FAM193A: variants seen among roughly 807,000 people sequenced by gnomAD.
FAM193A encodes protein FAM193A.
A neutral mutation model predicts 126.5 loss-of-function variants in FAM193A; 22 were observed. The observed-to-expected ratio is 0.17, with a 90% CI of 0.12 to 0.25. The LOEUF (loss-of-function observed/expected upper bound fraction) is 0.25. FAM193A is among the 10% of genes least tolerant of loss of function. FAM193A has a pLI of 1.00. For synonymous variants in FAM193A, 761 were observed against 646.8 expected (o/e 1.18, Z -2.68); for missense variants, 1,675 against 1,672.8 (o/e 1.00, Z -0.02).
chr4:2,607,917 G>C, intron 2 of FAM193A: 1 of 1,145,428 alleles, frequency 8.7e-7, no homozygotes, highest in Non-Finnish European at 1.2e-6. Context: ...TTTTCACTAT[G>C]TGATGGTGTC....
chr4:2,647,074 A>C (rs1293869781), intron 7 of FAM193A, among the ~76,000 whole-genome samples: 1 of 152,184 alleles, frequency 6.6e-6, no homozygotes, highest in African/African-American at 2.4e-5. Flanking sequence ...CAGTTGGTCA[A>C]GTTTTCCTTG....
At chr4:2,596,358 G>A (rs1740862763) in intron 2 of FAM193A, 29 bp downstream of exon 2, 2 of 694,784 alleles carry the variant, frequency 2.9e-6, no homozygotes, top group Admixed American at 2.0e-5. Flanking sequence ...AGGCAGCGCA[G>A]GGCGTTGGCT....
intron 2 of FAM193A, among the ~76,000 whole-genome samples, chr4:2,605,188 C>T (rs1741461550): frequency 6.6e-6 from 1 of 152,012 alleles, no homozygotes; most frequent in Admixed American, 6.6e-5. Flanking sequence ...TTTCTGCTAC[C>T]ATGCAGGTCA....
In FAM193A at chr4:2,624,027, C is replaced by T. The variant is rs1577089048; in HGVS notation, c.502-1235C>T. Among the ~76,000 whole-genome samples the T allele has an allele frequency of 1.3e-5, 2 of 152,200 alleles. 1 individual carries two copies. The highest frequency in any genetic ancestry group is 4.1e-4 in the South Asian group (2 of 4,820). On this transcript the variant is annotated intron_variant, in intron 2 of 20. Transcript: ENST00000637812. The stretch of plus-strand genomic sequence containing the variant: ...AGCCCCTGTTCCCAAGGAGCAGAGT[C>T]CTTCTCAGGGCCTCTTCTAGAAGGA...
rs79987484 is a variant in FAM193A at position 2,598,298 on chromosome 4, G to A, written c.501+1969G>A. Among the ~76,000 whole-genome samples, 137 of 152,258 alleles carry A rather than the reference G, an allele frequency of 9.0e-4. No individual in the cohort carries two copies. In the East Asian group the frequency reaches 0.022, roughly 24 times the overall value. On this transcript the variant is annotated intron_variant, in intron 2 of 20. Transcript: ENST00000637812. ...GTTACCCAAAATGTTGCATGCATCC[G>A]TAGTTTCTCTTTTTTATTGAGTAAT...
chr4:2,556,989 C>T (rs1738296950), intron 1 of FAM193A, among the ~76,000 whole-genome samples: 1 of 152,154 alleles, frequency 6.6e-6, no homozygotes, highest in Admixed American at 6.6e-5. Flanking sequence ...CACTGGTCCC[C>T]CATTACCTGC....
intron 1 of FAM193A, among the ~76,000 whole-genome samples, chr4:2,582,967 TTTG>T (rs981195089): frequency 2.4e-4 from 37 of 152,256 alleles, no homozygotes; most frequent in African/African-American, 6.5e-4. Context: ...GGCTCAGTTT[TTTG>T]TTGTTGTTAT....
Position 2,596,155 on chromosome 4 carries a change from A to G in FAM193A, c.327A>G (p.Arg109=). The change falls in exon 2 of 21, where the codon AGA becomes AGG. Residue 109 remains arginine, a synonymous_variant. Coordinates refer to ENST00000637812, the MANE Select transcript of FAM193A (RefSeq NM_001366318.2). The part of the protein sequence containing the change: ...YPAGDYCLLC[R]SERKDSSFLE... The stretch of plus-strand genomic sequence containing the variant: ...CTGGGGATTATTGTCTTCTGTGCAG[A>G]AGTGAACGGAAAGACTCATCATTCT... 2 of 703,024 alleles carry G rather than the reference A, an allele frequency of 2.8e-6. No individual in the cohort carries two copies. The highest frequency in any genetic ancestry group is 1.5e-5 in the South Asian group (1 of 67,600). 43.5% of individuals were successfully genotyped at this position (703,024 alleles called of 1,614,324 possible). A position where few individuals can be genotyped will look rare whatever the true frequency, so the allele number is the denominator to read the frequency against.
At chr4:2,634,108 C>T (rs1743864663) in intron 5 of FAM193A, among the ~76,000 whole-genome samples, 1 of 152,150 alleles carries the variant, frequency 6.6e-6, no homozygotes, top group South Asian at 2.1e-4. Flanking sequence ...TAAGTGACGA[C>T]ACTAGTAAGG....
At chr4:2,656,586 G>T (rs1257148340) in intron 7 of FAM193A, among the ~76,000 whole-genome samples, 1 of 152,134 alleles carries the variant, frequency 6.6e-6, no homozygotes, top group East Asian at 1.9e-4. Context: ...AGTGGAGCCT[G>T]GGGCATGGGT....
chr4:2,726,412 C>T (rs1720750787), intron 20 of FAM193A, among the ~76,000 whole-genome samples: 1 of 152,110 alleles, frequency 6.6e-6, no homozygotes, highest in East Asian at 1.9e-4. Context: ...GTTGTTCTTT[C>T]TAACCCCCTT....
chr4:2,535,568 G>C (rs927628781), upstream of FAM193A, among the ~76,000 whole-genome samples: 1 of 152,258 alleles, frequency 6.6e-6, no homozygotes, highest in South Asian at 2.1e-4. Context: ...GCCGCCGGCA[G>C]GGTCCCCCCG....
chr4:2,541,318 G>A (rs904921994), intron 1 of FAM193A, among the ~76,000 whole-genome samples: 2 of 152,110 alleles, frequency 1.3e-5, no homozygotes, highest in East Asian at 1.9e-4. Context: ...GGCAACAAAA[G>A]CGAAACTCTG....
intron 1 of FAM193A, among the ~76,000 whole-genome samples, chr4:2,591,026 C>CAA (rs113076132): frequency 1.5e-4 from 20 of 131,692 alleles, no homozygotes; most frequent in African/African-American, 3.9e-4. Context: ...GACTCCCTCT[C>CAA]AAAAAAAAAA....
chr4:2,703,740 G>C (rs1169267193), intron 19 of FAM193A, among the ~76,000 whole-genome samples: 6 of 149,114 alleles, frequency 4.0e-5, no homozygotes, highest in African/African-American at 1.5e-4. Flanking sequence ...GAGGCAGGAG[G>C]ATTACCTGAG....
rs369877047 is a variant in FAM193A at position 2,624,788 on chromosome 4, C to T, written c.502-474C>T. ...AACGTCTGGGCTCAAGTGGTCCTCC[C>T]ATCTCGGCTTCCCAAAATGGTGGGA... On this transcript the variant is annotated intron_variant, in intron 2 of 20. Coordinates refer to ENST00000637812, the MANE Select transcript of FAM193A (RefSeq NM_001366318.2). 1.8e-4 allele frequency among the ~76,000 whole-genome samples: 28 copies of T among 152,332 alleles called. No individual in the cohort carries two copies. The East Asian group carries it at 4.6e-3, about 25-fold the overall frequency.
intron 18 of FAM193A, 138 bp from the exon 19 acceptor site, chr4:2,699,538 GTGTT>G (rs1157817365): frequency 1.4e-6 from 1 of 699,694 alleles, no homozygotes; most frequent in Non-Finnish European, 2.4e-6. Context: ...AGGTGGGTGT[GTGTT>G]AAGTTTTGAT....
At chr4:2,612,272 C>T (rs949519656) in intron 2 of FAM193A, among the ~76,000 whole-genome samples, 5 of 151,778 alleles carry the variant, frequency 3.3e-5, no homozygotes, top group African/African-American at 7.3e-5. Flanking sequence ...GAGGCTGAGA[C>T]GGGTGGGTCA....
chr4:2,582,586 G>GTT (rs1488243300), intron 1 of FAM193A, among the ~76,000 whole-genome samples: 2 of 151,462 alleles, frequency 1.3e-5, no homozygotes, highest in Non-Finnish European at 2.9e-5. Flanking sequence ...AGGACCAGGT[G>GTT]TTTTTTTGTT....
Sources: gnomAD v4.1 joint callset for allele counts (sites outside exome capture counted in the v4.1 genomes callset) on GRCh38, gnomAD v4.1.1 for gene constraint, MANE v1.5 for transcripts, NCBI Gene and HGNC (gene_info 2026-07-23, HGNC 2026-07-21) for gene names.